PCDHGA6: variants seen among roughly 807,000 people sequenced by gnomAD.
PCDHGA6 encodes protocadherin gamma subfamily A, 6, also known as protocadherin gamma-A6.
A neutral mutation model predicts 60.6 loss-of-function variants in PCDHGA6; 41 were observed. The ratio of observed to expected loss-of-function variants is 0.68; its 90% CI spans 0.53 to 0.88. The LOEUF (loss-of-function observed/expected upper bound fraction) is 0.88, where lower values mean the gene tolerates loss of function less well. Among genes scored for constraint, PCDHGA6 ranks in the 40% least tolerant of loss-of-function variants. The pLI is 0.00. For missense variants in PCDHGA6, 1,312 were observed against 1,203.0 expected (o/e 1.09, Z -1.34); for synonymous variants, 594 against 524.4 (o/e 1.13, Z -1.81).
At chr5:141,445,134 A>T (rs900226020) in intron 1 of PCDHGA6, among the ~76,000 whole-genome samples, 1 of 152,198 alleles carries the variant, frequency 6.6e-6, no homozygotes, top group East Asian at 1.9e-4. Context: ...TTAAAATTGT[A>T]TCTTCTAATT....
chr5:141,398,803 A>C (rs551301850), intron 1 of PCDHGA6: 2 of 1,613,960 alleles, frequency 1.2e-6, no homozygotes, highest in African/African-American at 2.7e-5. Context: ...AAGCGGCACC[A>C]CTGAGCTCCG....
chr5:141,512,702 C>T lies in PCDHGA6; in HGVS notation c.*1529C>T, dbSNP rs940927635. 2.0e-5 allele frequency: 3 copies of T among 152,828 alleles called. No homozygotes were observed. Among genetic ancestry groups the T allele is most frequent in the Non-Finnish European group, 2.9e-5 (2 of 68,560 alleles). The allele number at this position is 152,828 out of a possible 1,614,324, so 9.5% of individuals were successfully genotyped here. ...ATAGCCAGTAGTGTAGTGCGGTGTG[C>T]TTTTACGTGATGGCGGGTGGGCAGC... On this transcript the variant is annotated 3_prime_UTR_variant, in exon 4 of 4. Transcript: ENST00000517434.
intron 1 of PCDHGA6, chr5:141,418,101 G>A (rs965772298): frequency 3.7e-6 from 6 of 1,614,082 alleles, no homozygotes; most frequent in Non-Finnish European, 5.1e-6. Flanking sequence ...GACGCGCAGA[G>A]CGGGGACTTA....
intron 1 of PCDHGA6, chr5:141,427,998 C>G: frequency 6.2e-7 from 1 of 1,600,956 alleles, no homozygotes; most frequent in Non-Finnish European, 8.6e-7. Context: ...TGGCTCCGCA[C>G]TCTTCGATAT....
chr5:141,398,908 G>A, intron 1 of PCDHGA6: 2 of 1,613,978 alleles, frequency 1.2e-6, no homozygotes, highest in East Asian at 2.2e-5. Flanking sequence ...AGGCACCACT[G>A]TGTTGCAAGT....
In PCDHGA6 at chr5:141,414,051, A is replaced by G. The variant is rs747091153; in HGVS notation, c.2424+37544A>G. ...CATTCCGAAAATTACCTGACACGCA[A>G]TTGTTGAAGTTCCAACTAAACAAAT... On this transcript the variant is annotated intron_variant, in intron 1 of 3. Coordinates refer to ENST00000517434, the MANE Select transcript of PCDHGA6 (RefSeq NM_018919.3). 5.0e-6 allele frequency: 8 copies of G among 1,610,748 alleles called. No individual in the cohort carries two copies. The Admixed American group carries it at 8.4e-5, about 17-fold the overall frequency.
chr5:141,403,405 T>A, intron 1 of PCDHGA6: 4 of 1,614,060 alleles, frequency 2.5e-6, no homozygotes, highest in Non-Finnish European at 3.4e-6. Flanking sequence ...CTGGAGCACG[T>A]TATCCACTTC....
At chr5:141,384,661 G>C (rs777530436) in intron 1 of PCDHGA6, 1 of 1,614,226 alleles carries the variant, frequency 6.2e-7, no homozygotes. Context: ...CGGCTACCTG[G>C]TGACCAAGGT....
intron 1 of PCDHGA6, chr5:141,414,982 G>A (rs1415279007): frequency 3.7e-6 from 6 of 1,613,712 alleles, no homozygotes; most frequent in Admixed American, 1.7e-5. Flanking sequence ...CAGAGACTCC[G>A]GCCAGAACGC....
At position 141,409,359 on chromosome 5, in the gene PCDHGA6, T is replaced by C. The variant is rs371907890; in HGVS notation, c.2424+32852T>C. ...GGAAATGGAGAAGTCAGGTGTAATA[T>C]AGAAACAGACATTCCATTCAAGATT... On this transcript the variant is annotated intron_variant, in intron 1 of 3. Coordinates refer to ENST00000517434, the MANE Select transcript of PCDHGA6 (RefSeq NM_018919.3). 6.8e-6 allele frequency: 11 copies of C among 1,614,026 alleles called. No individual in the cohort carries two copies. The highest frequency in any genetic ancestry group is 8.5e-6 in the Non-Finnish European group (10 of 1,179,908).
Position 141,376,393 on chromosome 5 carries a change from C to T in PCDHGA6, c.2310C>T (p.Phe770=). 6.2e-7 allele frequency: 1 copy of T among 1,614,222 alleles called. No homozygotes were observed. Among genetic ancestry groups the T allele is most frequent in the Non-Finnish European group, 8.5e-7 (1 of 1,180,026 alleles). The change falls in exon 1 of 4, where the codon TTC becomes TTT. Residue 770 remains phenylalanine, a synonymous_variant. Transcript: ENST00000517434. ...ACTCGCGTAAGAGTCATCTGATTTT[C>T]CCCCAGCCCAACTATGCCGACACGC... The part of the protein sequence containing the change: ...TADSRKSHLI[F]PQPNYADTLI...
chr5:141,400,230 G>A, intron 1 of PCDHGA6: 3 of 1,613,992 alleles, frequency 1.9e-6, no homozygotes, highest in Non-Finnish European at 2.5e-6. Flanking sequence ...TCTTCCTCCT[G>A]GCCGTGATTC....
chr5:141,475,550 TA>T (rs2099365126), intron 1 of PCDHGA6, among the ~76,000 whole-genome samples: 2 of 152,246 alleles, frequency 1.3e-5, no homozygotes, highest in Non-Finnish European at 2.9e-5. Context: ...AGGGTCCGGC[TA>T]ATTGTCTGTC....
At position 141,491,289 on chromosome 5, in the gene PCDHGA6, C is replaced by T. The variant is rs2099710219; in HGVS notation, c.2425-3518C>T. ...CCAAATCCAGTGACTTCCTCATACA[C>T]CCTCCTGAGCGTTCAGACCTTACCC... On this transcript the variant is annotated intron_variant, in intron 1 of 3. Transcript: ENST00000517434. The surrounding 1 kb of genome is among the most constrained non-coding windows in gnomAD (Gnocchi z 6.9). 2 of 1,614,112 alleles carry T rather than the reference C, an allele frequency of 1.2e-6. No homozygotes were observed. The highest frequency in any genetic ancestry group is 1.7e-6 in the Non-Finnish European group (2 of 1,179,942).
chr5:141,414,868 G>A (rs1346192710), intron 1 of PCDHGA6: 1 of 1,614,098 alleles, frequency 6.2e-7, no homozygotes, highest in African/African-American at 1.3e-5. Flanking sequence ...CAATGCGCCC[G>A]AGATCCTGTA....
rs374253072 is a variant in PCDHGA6, at chr5:141,476,894, G to A, written c.2425-17913G>A. ...GCGCGTCCTGGAGGATGCACCCTCCGGCACGCGCGTGGTACAAGTCCTTGC... is the reference window on the plus strand; with the variant it reads ...GCGCGTCCTGGAGGATGCACCCTCCAGCACGCGCGTGGTACAAGTCCTTGC... On this transcript the variant is annotated intron_variant, in intron 1 of 3. Transcript: ENST00000517434. The surrounding 1 kb of genome is among the most constrained non-coding windows in gnomAD (Gnocchi z 7.6). 48 of 1,613,834 alleles carry A rather than the reference G, an allele frequency of 3.0e-5. No homozygotes were observed. In the African/African-American group the frequency reaches 5.6e-4, roughly 19 times the overall value.
At chr5:141,424,245 A>T (rs1196753393) in intron 1 of PCDHGA6, 3 of 155,310 alleles carry the variant, frequency 1.9e-5, no homozygotes, top group African/African-American at 7.2e-5. Context: ...GGTGGCTGGT[A>T]ATATGCTTAG....
intron 1 of PCDHGA6, chr5:141,403,329 T>C (rs1325114096): frequency 1.2e-6 from 2 of 1,613,990 alleles, no homozygotes; most frequent in Admixed American, 1.7e-5. Context: ...GTAACTGATA[T>C]TAACGACAGC....
chr5:141,386,030 A>G (rs2090434667), intron 1 of PCDHGA6: 1 of 152,256 alleles, frequency 6.6e-6, no homozygotes, highest in African/African-American at 2.4e-5. Flanking sequence ...CATTTGTGAC[A>G]TAGGCAATTA....
Sources: allele counts gnomAD v4.1 joint callset (sites outside exome capture counted in the v4.1 genomes callset), GRCh38; gene constraint gnomAD v4.1.1; non-coding constraint Gnocchi (gnomAD v3.1); transcripts MANE v1.5; gene names NCBI Gene and HGNC (gene_info 2026-07-23, HGNC 2026-07-21).